CTIF: variants seen among roughly 807,000 people sequenced by gnomAD.
CTIF encodes the protein cap binding complex dependent translation initiation factor.
In CTIF, 21 loss-of-function variants were observed where a neutral mutation model predicts 66.0. The ratio of observed to expected loss-of-function variants is 0.32; its 90% CI spans 0.23 to 0.46. The LOEUF (loss-of-function observed/expected upper bound fraction) is 0.46. CTIF is among the 20% of genes least tolerant of loss of function. The probability of loss-of-function intolerance (pLI) is 1.00; values close to 1 mark genes in which losing one functional copy is unlikely to be tolerated. For synonymous variants in CTIF, 345 were observed against 326.4 expected, an observed-to-expected ratio of 1.06 and a Z score of -0.62; for missense variants, 739 against 812.7, an observed-to-expected ratio of 0.91 and a Z score of 1.10.
intron 9 of CTIF, among the ~76,000 whole-genome samples, chr18:48,768,207 T>A (rs1287140196): frequency 6.6e-6 from 1 of 152,202 alleles, no homozygotes; most frequent in African/African-American, 2.4e-5. Context: ...CTAACTCTTA[T>A]CTTTTACATA....
In CTIF at chr18:48,723,336, GATGAATGAATGA is replaced by G. The variant is rs150039010; in HGVS notation, c.584+11658_584+11669del. 7.9e-5 allele frequency among the ~76,000 whole-genome samples: 12 copies of G among 151,850 alleles called. No individual in the cohort carries two copies. In the East Asian group the frequency reaches 1.4e-3, roughly 17 times the overall value. Reference sequence around the variant, plus strand: ...GGAGGGCTGCTGCCTCATTCAAAGGGATGAATGAATGAATGAATGAATGAATGATGAGATTTC... The same window carrying G: ...GGAGGGCTGCTGCCTCATTCAAAGGGATGAATGAATGAATGATGAGATTTC... On this transcript the variant is annotated intron_variant, in intron 7 of 11. Coordinates refer to ENST00000256413, the MANE Select transcript of CTIF (RefSeq NM_014772.3).
chr18:48,769,921 A>G (rs1327798977), intron 9 of CTIF, among the ~76,000 whole-genome samples: 1 of 152,188 alleles, frequency 6.6e-6, no homozygotes, highest in African/African-American at 2.4e-5. Flanking sequence ...ATTGCATTCA[A>G]GGACCCAGGT....
intron 1 of CTIF, among the ~76,000 whole-genome samples, chr18:48,542,078 G>C (rs1389977250): frequency 6.6e-6 from 1 of 152,212 alleles, no homozygotes; most frequent in Non-Finnish European, 1.5e-5. Context: ...CTAAAAAATA[G>C]AGTATATTAT....
rs1199332212 is a variant in CTIF at position 48,580,392 on chromosome 18, TG to T, written c.-28-39145del. On this transcript the variant is annotated intron_variant, in intron 1 of 11. Transcript: ENST00000256413. ...TTCCAAGATATCTCTGTCTAGATAC[TG>T]CGCATTAGAATTTAGTACTGAAGAA... Among the ~76,000 whole-genome samples, 6 of 152,258 alleles carry T rather than the reference TG, an allele frequency of 3.9e-5. No homozygotes were observed. In the East Asian group the frequency reaches 9.7e-4, roughly 25 times the overall value.
intron 7 of CTIF, among the ~76,000 whole-genome samples, chr18:48,736,344 C>T (rs1346570373): frequency 1.3e-5 from 2 of 152,196 alleles, no homozygotes; most frequent in Non-Finnish European, 2.9e-5. Flanking sequence ...GCTCTGGGAC[C>T]ACTCAGCAGA....
At chr18:48,765,554 A>AG (rs1421728648) in intron 9 of CTIF, among the ~76,000 whole-genome samples, 1 of 152,196 alleles carries the variant, frequency 6.6e-6, no homozygotes, top group East Asian at 1.9e-4. Context: ...ATGGAGGGAG[A>AG]GGGGCAACCG....
At chr18:48,634,070 G>T (rs2090770390) in intron 2 of CTIF, among the ~76,000 whole-genome samples, 1 of 152,144 alleles carries the variant, frequency 6.6e-6, no homozygotes, top group Non-Finnish European at 1.5e-5. Context: ...CTTCCAATCT[G>T]ATATTTTGTC....
At chr18:48,848,643 C>T (rs956092868) in intron 10 of CTIF, among the ~76,000 whole-genome samples, 2 of 152,210 alleles carry the variant, frequency 1.3e-5, no homozygotes, top group African/African-American at 4.8e-5. Flanking sequence ...TCTCAGCACC[C>T]CCTTTCCCTC....
Position 48,678,686 on chromosome 18 carries a change from C to G in CTIF, c.507+7942C>G, listed in dbSNP as rs372896256. The stretch of plus-strand genomic sequence containing the variant: ...TTCCTCGGGAAGAGGCCACTGTCTG[C>G]GTCTAGATGGGGTTTCCACGCGGGC... On this transcript the variant is annotated intron_variant, in intron 6 of 11. Coordinates refer to ENST00000256413, the MANE Select transcript of CTIF (RefSeq NM_014772.3). Among the ~76,000 whole-genome samples, 587 of 151,316 alleles carry G rather than the reference C, an allele frequency of 3.9e-3. 3 individuals are homozygous for G. Among genetic ancestry groups the G allele is most frequent in the African/African-American group, 0.014 (572 of 41,152 alleles).
chr18:48,833,105 A>G (rs1246425499), intron 10 of CTIF, among the ~76,000 whole-genome samples: 1 of 152,254 alleles, frequency 6.6e-6, no homozygotes, highest in African/African-American at 2.4e-5. Flanking sequence ...GCTTGGATGC[A>G]TGCCATGGGA....
At chr18:48,600,810 C>T (rs940090596) in intron 1 of CTIF, among the ~76,000 whole-genome samples, 1 of 152,120 alleles carries the variant, frequency 6.6e-6, no homozygotes, top group African/African-American at 2.4e-5. Context: ...TGCAGCCAAA[C>T]CAGTTCTTCC....
chr18:48,702,736 C>G (rs2092100099), intron 6 of CTIF, among the ~76,000 whole-genome samples: 1 of 152,156 alleles, frequency 6.6e-6, no homozygotes, highest in Admixed American at 6.5e-5. Flanking sequence ...CAAATTTAAG[C>G]ATGGGTGAGC....
chr18:48,691,677 A>G (rs2091927726), intron 6 of CTIF, among the ~76,000 whole-genome samples: 1 of 151,986 alleles, frequency 6.6e-6, no homozygotes, highest in Non-Finnish European at 1.5e-5. Context: ...GTCCTCCTCA[A>G]AGAAATTGTC....
At chr18:48,631,082 G>T (rs760416562) in intron 2 of CTIF, among the ~76,000 whole-genome samples, 1 of 152,202 alleles carries the variant, frequency 6.6e-6, no homozygotes, top group Non-Finnish European at 1.5e-5. Context: ...AGCACCTCCA[G>T]CCTCCCACAC....
Position 48,705,464 on chromosome 18 carries a change from C to T in CTIF, c.508-6155C>T, listed in dbSNP as rs183846796. Among the ~76,000 whole-genome samples, 7 of 152,376 alleles carry T rather than the reference C, an allele frequency of 4.6e-5. No individual in the cohort carries two copies. In the East Asian group the frequency reaches 1.4e-3, roughly 29 times the overall value. Reference sequence around the variant, plus strand: ...TCCCACAGGACTTACTTCATCATAACTTGATTATATCTTCAAAGATTCTAT... The same window carrying T: ...TCCCACAGGACTTACTTCATCATAATTTGATTATATCTTCAAAGATTCTAT... On this transcript the variant is annotated intron_variant, in intron 6 of 11. Transcript: ENST00000256413.
intron 1 of CTIF, among the ~76,000 whole-genome samples, chr18:48,548,190 G>C (rs2088800238): frequency 6.6e-6 from 1 of 152,186 alleles, no homozygotes; most frequent in African/African-American, 2.4e-5. Context: ...TCCAGAGTGG[G>C]TGGAGCTGAC....
chr18:48,754,426 G>C (rs1481160161), intron 7 of CTIF, among the ~76,000 whole-genome samples: 2 of 152,206 alleles, frequency 1.3e-5, no homozygotes, highest in Non-Finnish European at 2.9e-5. Context: ...CCTGCACACA[G>C]AGGCCAGTCC....
chr18:48,681,935 G>T (rs1375167161), intron 6 of CTIF, among the ~76,000 whole-genome samples: 1 of 152,104 alleles, frequency 6.6e-6, no homozygotes, highest in Non-Finnish European at 1.5e-5. Flanking sequence ...ACAGGCGCGT[G>T]CCACCACACC....
intron 10 of CTIF, among the ~76,000 whole-genome samples, chr18:48,853,255 C>T (rs1317355): frequency 0.27 from 40,603 of 151,926 alleles, 5,732 homozygotes; most frequent in African/African-American, 0.33. Flanking sequence ...TGTCAGGGGC[C>T]GCAGAAAAGG....
Sources: allele counts gnomAD v4.1 joint callset (sites outside exome capture counted in the v4.1 genomes callset), GRCh38; gene constraint gnomAD v4.1.1; transcripts MANE v1.5; gene names NCBI Gene and HGNC (gene_info 2026-07-23, HGNC 2026-07-21).